Variants in TNFRSF1B observed in about 807,000 individuals in gnomAD.
TNFRSF1B encodes the protein TNF receptor superfamily member 1B.
TNFRSF1B carries 19 observed loss-of-function variants against 44.6 expected under a neutral mutation model. The observed-to-expected ratio is 0.43, with a 90% confidence interval of 0.30 to 0.62. TNFRSF1B has a LOEUF of 0.62. TNFRSF1B is among the 20% of genes least tolerant of loss of function. The pLI, the probability that TNFRSF1B is intolerant of heterozygous loss-of-function variation, is 0.16. For synonymous variants in TNFRSF1B, 252 were observed against 261.1 expected (o/e 0.97, Z 0.34); for missense variants, 541 against 619.9 (o/e 0.87, Z 1.35).
chr1:12,188,186 AGT>A (rs1475644933), intron 1 of TNFRSF1B, among the ~76,000 whole-genome samples: 1 of 118,966 alleles, frequency 8.4e-6, no homozygotes, highest in Non-Finnish European at 2.1e-5. Context: ...GCATCACATG[AGT>A]GTGTGTGTAC....
chr1:12,201,047 G>A (rs370207818), intron 8 of TNFRSF1B, among the ~76,000 whole-genome samples: 1 of 152,010 alleles, frequency 6.6e-6, no homozygotes, highest in East Asian at 1.9e-4. Flanking sequence ...GAGCCCAGGA[G>A]TACAAGACCA....
intron 1 of TNFRSF1B, among the ~76,000 whole-genome samples, chr1:12,184,346 T>C (rs1638929511): frequency 7.1e-6 from 1 of 141,212 alleles, no homozygotes; most frequent in Non-Finnish European, 1.5e-5. Flanking sequence ...AGGCTGTGGA[T>C]TTTTTTTTTT....
At chr1:12,183,625 CTGTTT>C (rs1210824687) in intron 1 of TNFRSF1B, among the ~76,000 whole-genome samples, 3 of 150,742 alleles carry the variant, frequency 2.0e-5, no homozygotes, top group African/African-American at 7.3e-5. Context: ...GTTTGTCTGT[CTGTTT>C]TATCTATCTA....
chr1:12,201,105 A>G (rs1316993280), intron 8 of TNFRSF1B, among the ~76,000 whole-genome samples: 1 of 151,934 alleles, frequency 6.6e-6, no homozygotes, highest in Non-Finnish European at 1.5e-5. Flanking sequence ...ATCGACAACA[A>G]AAAAATTAGC....
chr1:12,167,800 C>T (rs1013902385), intron 1 of TNFRSF1B, among the ~76,000 whole-genome samples: 1 of 152,210 alleles, frequency 6.6e-6, no homozygotes, highest in Non-Finnish European at 1.5e-5. Flanking sequence ...TTTCTGCGGC[C>T]TCTGGGGACA....
Position 12,187,824 on chromosome 1 carries a change from G to T in TNFRSF1B, c.79-972G>T, listed in dbSNP as rs1303980622. Among the ~76,000 whole-genome samples, 3 of 152,196 alleles carry T rather than the reference G, an allele frequency of 2.0e-5. No homozygotes were observed. The highest frequency in any genetic ancestry group is 2.0e-4 in the Admixed American group (3 of 15,290). The stretch of plus-strand genomic sequence containing the variant: ...AGGTCAGGGGAGGGGGCTTAGCAGG[G>T]ACGTTGTTCACCAGCTTCAGCCCAA... On this transcript the variant is annotated intron_variant, in intron 1 of 9. Coordinates refer to ENST00000376259, the MANE Select transcript of TNFRSF1B (RefSeq NM_001066.3). This position sits in a 1 kb window ranked among gnomAD's most constrained non-coding sequence, Gnocchi z 5.5.
intron 9 of TNFRSF1B, among the ~76,000 whole-genome samples, chr1:12,204,767 G>T (rs929557491): frequency 6.6e-6 from 1 of 151,584 alleles, no homozygotes. Flanking sequence ...TTTAAATGTT[G>T]GTAATCAATT....
chr1:12,183,527 T>A (rs1334789264), intron 1 of TNFRSF1B, among the ~76,000 whole-genome samples: 1 of 152,056 alleles, frequency 6.6e-6, no homozygotes, highest in Non-Finnish European at 1.5e-5. Context: ...TCTATTTATC[T>A]TGTATCTACT....
intron 4 of TNFRSF1B, 35 bp downstream of exon 4, chr1:12,191,958 A>G (rs774708133): frequency 6.3e-7 from 1 of 1,595,604 alleles, no homozygotes; most frequent in Non-Finnish European, 8.5e-7. Flanking sequence ...GGGGACGCCC[A>G]TGGGCCTCTC....
chr1:12,201,858 CTG>C, intron 8 of TNFRSF1B, 107 bp from the exon 9 acceptor site: 1 of 1,415,696 alleles, frequency 7.1e-7, no homozygotes, highest in Non-Finnish European at 9.4e-7. Flanking sequence ...GTCACGTAAA[CTG>C]AGAAGTGCTG....
intron 6 of TNFRSF1B, 28 bp from the exon 7 acceptor site, chr1:12,193,927 G>A (rs780871115): frequency 6.3e-7 from 1 of 1,599,384 alleles, no homozygotes; most frequent in Non-Finnish European, 8.6e-7. Flanking sequence ...GTTTTCTGTA[G>A]CTGTCTGAGC....
At chr1:12,183,831 CTATCTATCTATCTATCTAT>C (rs1406272063) in intron 1 of TNFRSF1B, among the ~76,000 whole-genome samples, 35 of 148,872 alleles carry the variant, frequency 2.4e-4, no homozygotes, top group East Asian at 5.9e-4. Flanking sequence ...ATCTACCTAT[CTATCTATCTATCTATCTAT>C]CTACCTACCT....
chr1:12,193,172 A>C, intron 6 of TNFRSF1B, 74 bp downstream of exon 6: 26 of 1,361,740 alleles, frequency 1.9e-5, no homozygotes, highest in Non-Finnish European at 2.5e-5. Context: ...TTCCTCTCCC[A>C]TGGTTTTACT....
Position 12,186,702 on chromosome 1 carries a change from A to G in TNFRSF1B, c.79-2094A>G, listed in dbSNP as rs1220014692. Among the ~76,000 whole-genome samples the G allele has an allele frequency of 1.3e-5, 2 of 152,222 alleles. No individual in the cohort carries two copies. Among genetic ancestry groups the G allele is most frequent in the Admixed American group, 1.3e-4 (2 of 15,292 alleles). ...TGGATCTCGATCTTGTACTGGCCAC[A>G]TGACTGCAGCTGGCAGTACAGTGGG... On this transcript the variant is annotated intron_variant, in intron 1 of 9. Coordinates refer to ENST00000376259, the MANE Select transcript of TNFRSF1B (RefSeq NM_001066.3). The surrounding 1 kb of genome is among the most constrained non-coding windows in gnomAD (Gnocchi z 4.8).
chr1:12,168,114 G>A lies in TNFRSF1B; in HGVS notation c.78+945G>A, dbSNP rs1638435828. On this transcript the variant is annotated intron_variant, in intron 1 of 9. Coordinates refer to ENST00000376259, the MANE Select transcript of TNFRSF1B (RefSeq NM_001066.3). This position sits in a 1 kb window ranked among gnomAD's most constrained non-coding sequence, Gnocchi z 4.7. Reference sequence around the variant, plus strand: ...GAACTTGTATTTCATGGAAGGGTCTGGGGGGAACTCTTCCTCCAAAGGGGG... The same window carrying A: ...GAACTTGTATTTCATGGAAGGGTCTAGGGGGAACTCTTCCTCCAAAGGGGG... 6.6e-6 allele frequency among the ~76,000 whole-genome samples: 1 copy of A among 152,188 alleles called. No individual in the cohort carries two copies. Among genetic ancestry groups the A allele is most frequent in the Admixed American group, 6.5e-5 (1 of 15,282 alleles).
intron 9 of TNFRSF1B, 62 bp downstream of exon 9, chr1:12,202,233 C>T: frequency 6.6e-7 from 1 of 1,523,692 alleles, no homozygotes; most frequent in Non-Finnish European, 8.8e-7. Flanking sequence ...CACCTGGTTT[C>T]TGTCTTAGCC....
In TNFRSF1B at chr1:12,207,104, GC is replaced by G; in HGVS notation, c.*89del. 1.4e-6 allele frequency: 2 copies of G among 1,427,200 alleles called. No homozygotes were observed. Among genetic ancestry groups the G allele is most frequent in the Non-Finnish European group, 1.9e-6 (2 of 1,071,264 alleles). The allele number at this position is 1,427,200 out of a possible 1,614,324, so 88.4% of individuals were successfully genotyped here. Reference sequence around the variant, plus strand: ...TGCGAAGGGGCCCTGGTCCTTCCAGGCCCCCACCACTAGGACTCTGAGGCTC... The same window carrying G: ...TGCGAAGGGGCCCTGGTCCTTCCAGGCCCCACCACTAGGACTCTGAGGCTC... On this transcript the variant is annotated 3_prime_UTR_variant, in exon 10 of 10. Coordinates refer to ENST00000376259, the MANE Select transcript of TNFRSF1B (RefSeq NM_001066.3).
chr1:12,204,162 C>T (rs533666346), intron 9 of TNFRSF1B, among the ~76,000 whole-genome samples: 2 of 152,248 alleles, frequency 1.3e-5, no homozygotes, highest in African/African-American at 4.8e-5. Context: ...TCCCCCAGCC[C>T]GTGTCCCTGG....
intron 9 of TNFRSF1B, among the ~76,000 whole-genome samples, chr1:12,205,020 A>T (rs1030910586): frequency 2.2e-4 from 34 of 152,172 alleles, no homozygotes; most frequent in African/African-American, 7.9e-4. Context: ...TACTAAAAAA[A>T]TAAAAAAAAA....
Sources: allele counts gnomAD v4.1 joint callset (sites outside exome capture counted in the v4.1 genomes callset), GRCh38; gene constraint gnomAD v4.1.1; non-coding constraint Gnocchi (gnomAD v3.1); transcripts MANE v1.5; gene names NCBI Gene and HGNC (gene_info 2026-07-23, HGNC 2026-07-21).